Variants in TTC27 observed in about 807,000 individuals in gnomAD.
The protein encoded by TTC27 is tetratricopeptide repeat protein 27.
A neutral mutation model predicts 115.9 loss-of-function variants in TTC27; 79 were observed. The observed-to-expected ratio is 0.68, with a 90% CI of 0.57 to 0.82. TTC27 has a LOEUF of 0.82. Ranked by LOEUF, TTC27 falls within the 40% of genes least tolerant of loss-of-function variation. TTC27 has a pLI of 0.00. For synonymous variants in TTC27, 401 were observed against 356.0 expected (o/e 1.13, Z -1.42); for missense variants, 1,054 against 993.1 (o/e 1.06, Z -0.82).
intron 10 of TTC27, among the ~76,000 whole-genome samples, chr2:32,715,757 GA>G (rs1667731961): frequency 6.6e-6 from 1 of 152,084 alleles, no homozygotes; most frequent in Admixed American, 6.6e-5. Context: ...ATGTCATAAT[GA>G]AACCCTTGAT....
chr2:32,706,805 C>T (rs1221057912), intron 10 of TTC27, among the ~76,000 whole-genome samples: 1 of 152,080 alleles, frequency 6.6e-6, no homozygotes, highest in Admixed American at 6.5e-5. Context: ...CTCAGGTGAT[C>T]CACCTGCCTC....
intron 7 of TTC27, among the ~76,000 whole-genome samples, chr2:32,668,314 G>C (rs374524670): frequency 6.6e-6 from 1 of 150,482 alleles, no homozygotes; most frequent in Non-Finnish European, 1.5e-5. Flanking sequence ...AGGCTACAAT[G>C]AGCAATGAGT....
intron 18 of TTC27, among the ~76,000 whole-genome samples, chr2:32,813,688 A>G (rs1671390634): frequency 6.6e-6 from 1 of 152,230 alleles, no homozygotes; most frequent in Middle Eastern, 3.2e-3. Flanking sequence ...GAACAAGGAT[A>G]AAGTTTGGCT....
intron 15 of TTC27, among the ~76,000 whole-genome samples, chr2:32,786,630 G>A (rs1452410327): frequency 6.6e-6 from 1 of 152,140 alleles, no homozygotes; most frequent in African/African-American, 2.4e-5. Flanking sequence ...TTGTCTTACA[G>A]GTTTGCAATT....
chr2:32,676,788 C>A (rs1415862632), intron 8 of TTC27, among the ~76,000 whole-genome samples: 1 of 151,834 alleles, frequency 6.6e-6, no homozygotes, highest in Non-Finnish European at 1.5e-5. Context: ...TGCGCCTAGC[C>A]TCTTTTCATT....
chr2:32,669,827 A>G (rs1228704252), intron 7 of TTC27, among the ~76,000 whole-genome samples: 1 of 144,974 alleles, frequency 6.9e-6, no homozygotes, highest in Non-Finnish European at 1.5e-5. Flanking sequence ...TGGAGGTTGC[A>G]GTGAGCCGAG....
At chr2:32,773,849 A>G (rs1407887536) in intron 13 of TTC27, among the ~76,000 whole-genome samples, 2 of 152,218 alleles carry the variant, frequency 1.3e-5, no homozygotes, top group Non-Finnish European at 2.9e-5. Context: ...TTATTGGAGA[A>G]AGAAGGGAAG....
At chr2:32,816,632 T>A (rs1438198006) in intron 18 of TTC27, among the ~76,000 whole-genome samples, 1 of 152,218 alleles carries the variant, frequency 6.6e-6, no homozygotes, top group Non-Finnish European at 1.5e-5. Flanking sequence ...AGCAGAGTTG[T>A]GATTCACTCT....
rs188442404 is a variant in TTC27 at position 32,786,377 on chromosome 2, G to A, written c.1833-607G>A. Among the ~76,000 whole-genome samples the A allele has an allele frequency of 6.6e-4, 100 of 152,166 alleles. 1 individual carries two copies. In the East Asian group the frequency reaches 0.017, roughly 26 times the overall value. ...TGGTCTCGAACTCCTGACCTCAGGT[G>A]ATCCACCCACCTCAGCCACTCAAAA... On this transcript the variant is annotated intron_variant, in intron 15 of 19. Coordinates refer to ENST00000317907, the MANE Select transcript of TTC27 (RefSeq NM_017735.5).
At chr2:32,798,430 G>A (rs567808634) in intron 16 of TTC27, among the ~76,000 whole-genome samples, 6 of 148,216 alleles carry the variant, frequency 4.0e-5, no homozygotes, top group South Asian at 2.1e-4. Flanking sequence ...ATGGCTGGGC[G>A]CGGTGGCTCA....
chr2:32,658,277 C>T (rs1175301499), intron 5 of TTC27, among the ~76,000 whole-genome samples: 1 of 152,102 alleles, frequency 6.6e-6, no homozygotes, highest in East Asian at 1.9e-4. Flanking sequence ...AGCGTATTAC[C>T]ATGCTTGGCT....
chr2:32,720,843 C>T (rs1225794512), intron 10 of TTC27, among the ~76,000 whole-genome samples: 2 of 152,196 alleles, frequency 1.3e-5, no homozygotes, highest in East Asian at 1.9e-4. Context: ...AGACTACTCT[C>T]TCATGTGTTA....
intron 16 of TTC27, among the ~76,000 whole-genome samples, chr2:32,790,272 T>C (rs1370932353): frequency 1.3e-5 from 2 of 151,332 alleles, no homozygotes; most frequent in African/African-American, 4.9e-5. Context: ...GCCATTAAAT[T>C]TTTTTTTTGT....
rs770621313 is a variant in TTC27 at position 32,746,563 on chromosome 2, C to CAAAAAAAAAAAAAAAAAA, written c.1452+9749_1452+9766dup. ...TGGCAATAAGAGTGAAACTCCATCT[C>CAAAAAAAAAAAAAAAAAA]AAAAAAAAAAAAAAAAAAAGAATGC... On this transcript the variant is annotated intron_variant, in intron 12 of 19. Transcript: ENST00000317907. Among the ~76,000 whole-genome samples, 423 of 46,264 alleles carry CAAAAAAAAAAAAAAAAAA rather than the reference C, an allele frequency of 9.1e-3. 32 individuals are homozygous for CAAAAAAAAAAAAAAAAAA. Among genetic ancestry groups the CAAAAAAAAAAAAAAAAAA allele is most frequent in the Middle Eastern group, 0.019 (1 of 52 alleles). The allele number at this position is 46,264 out of a possible 152,430, so 30.4% of individuals were successfully genotyped here.
At chr2:32,629,399 C>T (rs560075332) in intron 1 of TTC27, among the ~76,000 whole-genome samples, 5 of 152,218 alleles carry the variant, frequency 3.3e-5, no homozygotes, top group African/African-American at 1.2e-4. Flanking sequence ...GGATTACAGC[C>T]ATGAGCCACC....
chr2:32,666,529 A>G, intron 6 of TTC27, 106 bp from the exon 7 acceptor site: 1 of 1,211,154 alleles, frequency 8.3e-7, no homozygotes, highest in Non-Finnish European at 1.1e-6. Flanking sequence ...TGTGAAATGG[A>G]GAAAATACCT....
intron 12 of TTC27, among the ~76,000 whole-genome samples, chr2:32,744,747 G>C (rs1457973223): frequency 1.3e-5 from 2 of 152,070 alleles, no homozygotes; most frequent in Admixed American, 6.6e-5. Flanking sequence ...TGAAATATCT[G>C]ATTAAAAGCA....
intron 16 of TTC27, among the ~76,000 whole-genome samples, chr2:32,792,276 G>A (rs550448488): frequency 1.1e-4 from 17 of 152,294 alleles, no homozygotes; most frequent in African/African-American, 3.6e-4. Flanking sequence ...TTACCCGAAA[G>A]TAAAGAGAAG....
chr2:32,790,001 A>G (rs1670479626), intron 16 of TTC27, among the ~76,000 whole-genome samples: 1 of 151,018 alleles, frequency 6.6e-6, no homozygotes, highest in Admixed American at 6.6e-5. Flanking sequence ...CAAAATGCAT[A>G]GAGATGCATT....
Sources: gnomAD v4.1 joint callset for allele counts (sites outside exome capture counted in the v4.1 genomes callset) on GRCh38, gnomAD v4.1.1 for gene constraint, MANE v1.5 for transcripts, NCBI Gene and HGNC (gene_info 2026-07-23, HGNC 2026-07-21) for gene names.